Variants in CHD7 observed in about 807,000 individuals in gnomAD.
CHD7 encodes the protein ATP-dependent chromatin remodeler CHD7.
CHD7 carries 24 observed loss-of-function variants against 307.3 expected under a neutral mutation model. The observed-to-expected ratio is 0.08, with a 90% CI of 0.06 to 0.11. The LOEUF (loss-of-function observed/expected upper bound fraction) is 0.11. Ranked by LOEUF, CHD7 falls within the 10% of genes least tolerant of loss-of-function variation. CHD7 has a pLI of 1.00. For missense variants in CHD7, 3,106 were observed against 3,727.1 expected (o/e 0.83, Z 4.34); for synonymous variants, 1,363 against 1,349.9 (o/e 1.01, Z -0.21).
chr8:60,693,590 C>G (rs1229616333), intron 1 of CHD7, among the ~76,000 whole-genome samples: 1 of 152,178 alleles, frequency 6.6e-6, no homozygotes, highest in Non-Finnish European at 1.5e-5. Flanking sequence ...GCTATCGAGC[C>G]CCTGCTCAGC....
chr8:60,680,616 G>C (rs963685821), intron 1 of CHD7, among the ~76,000 whole-genome samples: 58 of 152,152 alleles, frequency 3.8e-4, no homozygotes, highest in African/African-American at 1.1e-3. Flanking sequence ...TGAAGCGAGC[G>C]GCGCGGAGAG....
At chr8:60,836,783 G>T (rs374038777) in intron 16 of CHD7, 34 bp from the exon 17 acceptor site, 1 of 1,545,934 alleles carries the variant, frequency 6.5e-7, no homozygotes. Flanking sequence ...GTCGCTATGC[G>T]TCAGGCCTCC....
At chr8:60,746,430 A>G (rs1228060294) in intron 2 of CHD7, among the ~76,000 whole-genome samples, 2 of 152,176 alleles carry the variant, frequency 1.3e-5, no homozygotes, top group African/African-American at 4.8e-5. Flanking sequence ...TTGACATTCT[A>G]CCCTAGGAAA....
chr8:60,712,252 AATT>A (rs578128896), intron 1 of CHD7, among the ~76,000 whole-genome samples: 149 of 152,344 alleles, frequency 9.8e-4, no homozygotes, highest in South Asian at 3.3e-3. Flanking sequence ...CTTGCTTTAA[AATT>A]ATTATTATTA....
At chr8:60,828,530 T>G (rs1324519226) in intron 13 of CHD7, 133 bp from the exon 14 acceptor site, 1 of 791,556 alleles carries the variant, frequency 1.3e-6, no homozygotes, top group Non-Finnish European at 2.0e-6. Flanking sequence ...ACCTCTGTTT[T>G]CATGCCTGAT....
At position 60,845,432 on chromosome 8, in the gene CHD7, TG is replaced by T. The variant is rs137901533; in HGVS notation, c.5210+25del. 3,388 of 1,610,936 alleles carry T rather than the reference TG, an allele frequency of 2.1e-3. 137 individuals carry two copies. In the East Asian group the frequency reaches 0.066, roughly 31 times the overall value. ...CAAGTATGTTATTAGAGGGTGGACC[TG>T]GAGAGCTTAATTCCCTTTTTATTCT... is the stretch of plus-strand genomic sequence containing the variant. On this transcript the variant is annotated intron_variant, in intron 23 of 37. Coordinates refer to ENST00000423902, the MANE Select transcript of CHD7 (RefSeq NM_017780.4).
chr8:60,727,576 T>A (rs1056761800), intron 1 of CHD7, among the ~76,000 whole-genome samples: 6 of 152,188 alleles, frequency 3.9e-5, no homozygotes, highest in Non-Finnish European at 8.8e-5. Flanking sequence ...CTTCTTCTCT[T>A]GGTGTTTGCC....
At chr8:60,842,648 A>G (rs1293124660) in intron 21 of CHD7, among the ~76,000 whole-genome samples, 1 of 152,220 alleles carries the variant, frequency 6.6e-6, no homozygotes, top group Non-Finnish European at 1.5e-5. Context: ...GAATTGGTCA[A>G]TAAGAGTTCT....
At chr8:60,806,192 C>A (rs1026726452) in intron 6 of CHD7, among the ~76,000 whole-genome samples, 1 of 152,114 alleles carries the variant, frequency 6.6e-6, no homozygotes, top group Non-Finnish European at 1.5e-5. Flanking sequence ...GAAACCCCGT[C>A]TCTACTAAAA....
At chr8:60,763,682 G>C (rs757090224) in intron 2 of CHD7, among the ~76,000 whole-genome samples, 13 of 152,186 alleles carry the variant, frequency 8.5e-5, no homozygotes, top group Non-Finnish European at 1.6e-4. Flanking sequence ...GAGCTTAGTA[G>C]AGAGTTTATG....
At chr8:60,795,214 C>A in intron 4 of CHD7, 87 bp downstream of exon 4, 1 of 1,257,574 alleles carries the variant, frequency 8.0e-7, no homozygotes, top group Non-Finnish European at 1.1e-6. Context: ...CCTCCCCTAT[C>A]TTGTTATAGA....
At chr8:60,802,442 A>T (rs1303814124) in intron 6 of CHD7, among the ~76,000 whole-genome samples, 1 of 152,240 alleles carries the variant, frequency 6.6e-6, no homozygotes, top group Non-Finnish European at 1.5e-5. Context: ...TCGCAGCTTC[A>T]GTCATTATCA....
At chr8:60,775,660 C>A (rs2150656832) in intron 2 of CHD7, among the ~76,000 whole-genome samples, 1 of 152,278 alleles carries the variant, frequency 6.6e-6, no homozygotes, top group East Asian at 1.9e-4. Context: ...GGCTAAACAC[C>A]CTTAGGACAC....
rs768807119 is a variant in CHD7 at position 60,794,946 on chromosome 8, C to T, written c.2097-40C>T. 2.5e-6 allele frequency: 4 copies of T among 1,581,618 alleles called. No homozygotes were observed. In the Admixed American group the frequency reaches 7.1e-5, roughly 28 times the overall value. On this transcript the variant is annotated intron_variant, in intron 3 of 37. Transcript: ENST00000423902. ...GAAATATAAGAGACATGCAGAAACA[C>T]ATTAAAAGTGAACACTAAGCGATCC...
chr8:60,760,911 AC>A (rs1810164558), intron 2 of CHD7, among the ~76,000 whole-genome samples: 1 of 152,228 alleles, frequency 6.6e-6, no homozygotes, highest in Non-Finnish European at 1.5e-5. Context: ...AACTAGTTCA[AC>A]CATTGTGGAA....
chr8:60,708,474 T>C (rs546938152), intron 1 of CHD7, among the ~76,000 whole-genome samples: 1 of 152,326 alleles, frequency 6.6e-6, no homozygotes, highest in East Asian at 1.9e-4. Context: ...CTGCATCTTA[T>C]CGGCTCACAC....
At chr8:60,697,876 C>T (rs1307174517) in intron 1 of CHD7, among the ~76,000 whole-genome samples, 2 of 152,206 alleles carry the variant, frequency 1.3e-5, no homozygotes. Flanking sequence ...TTGTGCACAG[C>T]ACGTAGAGTA....
intron 37 of CHD7, chr8:60,862,867 T>G (rs1162056442): frequency 3.3e-5 from 18 of 552,308 alleles, no homozygotes; most frequent in Non-Finnish European, 5.1e-5. Flanking sequence ...AAGGTTTGTA[T>G]GGAAACATAC....
chr8:60,761,992 T>C (rs1457688772), intron 2 of CHD7, among the ~76,000 whole-genome samples: 2 of 152,108 alleles, frequency 1.3e-5, no homozygotes, highest in East Asian at 1.9e-4. Flanking sequence ...GGATCTGATA[T>C]GAGTACTGTT....
Sources: allele counts gnomAD v4.1 joint callset (sites outside exome capture counted in the v4.1 genomes callset), GRCh38; gene constraint gnomAD v4.1.1; transcripts MANE v1.5; gene names NCBI Gene and HGNC (gene_info 2026-07-23, HGNC 2026-07-21).